NTN4: variants seen among roughly 807,000 people sequenced by gnomAD.
The protein encoded by NTN4 is netrin 4, also known as netrin-4.
In NTN4, 32 loss-of-function variants were observed where a neutral mutation model predicts 73.6. That is an observed-to-expected ratio of 0.44 (90% confidence interval 0.33 to 0.58). NTN4 has a LOEUF of 0.58. Among genes scored for constraint, NTN4 ranks in the 20% least tolerant of loss-of-function variants. The probability of loss-of-function intolerance (pLI) is 0.04; values close to 1 mark genes in which losing one functional copy is unlikely to be tolerated. For synonymous variants in NTN4, 258 were observed against 287.5 expected (o/e 0.90, Z 1.04); for missense variants, 654 against 798.3 (o/e 0.82, Z 2.18).
chr12:95,762,348 C>G (rs180702387), intron 2 of NTN4, among the ~76,000 whole-genome samples: 2 of 152,320 alleles, frequency 1.3e-5, no homozygotes, highest in East Asian at 1.9e-4. Context: ...TGCTGTTACT[C>G]TAGTACTAGG....
chr12:95,757,167 C>A (rs2078952649), intron 2 of NTN4, among the ~76,000 whole-genome samples: 1 of 152,150 alleles, frequency 6.6e-6, no homozygotes, highest in African/African-American at 2.4e-5. Flanking sequence ...TGAGTTAACA[C>A]ATATTTGTTG....
intron 2 of NTN4, among the ~76,000 whole-genome samples, chr12:95,770,937 G>A (rs1313110602): frequency 1.3e-5 from 2 of 151,744 alleles, no homozygotes; most frequent in African/African-American, 4.9e-5. Context: ...AAAGAAGGGT[G>A]TTGTTCTGTT....
chr12:95,663,369 G>C (rs1441971832), intron 9 of NTN4: 1 of 152,030 alleles, frequency 6.6e-6, no homozygotes, highest in African/African-American at 2.4e-5. Context: ...CCTATCTCTA[G>C]GGTTTTGACA....
intron 3 of NTN4, among the ~76,000 whole-genome samples, chr12:95,732,153 T>C (rs1427376183): frequency 6.6e-6 from 1 of 152,170 alleles, no homozygotes; most frequent in Non-Finnish European, 1.5e-5. Context: ...ATAACTTTAT[T>C]GTTTTTTAAA....
At chr12:95,702,769 T>C (rs1342076591) in intron 5 of NTN4, among the ~76,000 whole-genome samples, 1 of 152,028 alleles carries the variant, frequency 6.6e-6, no homozygotes, top group Admixed American at 6.5e-5. Context: ...ATAAATGTTT[T>C]CTGAACTAAA....
intron 7 of NTN4, chr12:95,672,305 A>G (rs1168060001): frequency 1.3e-5 from 10 of 776,510 alleles, no homozygotes; most frequent in Admixed American, 6.8e-5. Flanking sequence ...GCCCGCCGCC[A>G]TGGCCGCCTA....
At chr12:95,716,440 A>G (rs2078605652) in intron 3 of NTN4, among the ~76,000 whole-genome samples, 1 of 152,226 alleles carries the variant, frequency 6.6e-6, no homozygotes, top group African/African-American at 2.4e-5. Flanking sequence ...CACACTAAAC[A>G]TTAGCTTAAA....
chr12:95,758,244 T>C (rs1401806975), intron 2 of NTN4, among the ~76,000 whole-genome samples: 1 of 152,206 alleles, frequency 6.6e-6, no homozygotes, highest in Non-Finnish European at 1.5e-5. Context: ...CAATATTTAG[T>C]GTTATCAGTC....
chr12:95,787,677 C>T (rs79280845), intron 1 of NTN4, among the ~76,000 whole-genome samples: 41,155 of 151,618 alleles, frequency 0.27, 6,078 homozygotes, highest in South Asian at 0.4. Context: ...TGTGTGTGTG[C>T]GTGTGTGTGT....
intron 5 of NTN4, among the ~76,000 whole-genome samples, chr12:95,693,706 G>A (rs2078418971): frequency 6.8e-6 from 1 of 147,184 alleles, no homozygotes; most frequent in African/African-American, 2.5e-5. Flanking sequence ...ACTCCAGCCT[G>A]GGTGATAGAG....
chr12:95,705,910 T>C (rs532399782), intron 5 of NTN4, among the ~76,000 whole-genome samples: 25 of 152,188 alleles, frequency 1.6e-4, no homozygotes, highest in Non-Finnish European at 3.5e-4. Flanking sequence ...ATGAGTTGAG[T>C]GAAGGAATAA....
At chr12:95,685,212 T>C (rs1366017955) in intron 5 of NTN4, among the ~76,000 whole-genome samples, 2 of 152,230 alleles carry the variant, frequency 1.3e-5, no homozygotes, top group Non-Finnish European at 2.9e-5. Context: ...TAAAAAATAA[T>C]AATATTTCTC....
intron 5 of NTN4, among the ~76,000 whole-genome samples, chr12:95,700,278 T>A (rs1268276350): frequency 2.0e-5 from 3 of 151,720 alleles, no homozygotes; most frequent in East Asian, 1.9e-4. Flanking sequence ...AATTTTTTTT[T>A]AAAGAGAGCT....
chr12:95,692,354 G>A (rs941334446), intron 5 of NTN4, among the ~76,000 whole-genome samples: 2 of 152,154 alleles, frequency 1.3e-5, no homozygotes, highest in South Asian at 4.1e-4. Flanking sequence ...CTTTACCCAA[G>A]TGTTCTACTG....
chr12:95,700,361 A>C (rs116854705), intron 5 of NTN4, among the ~76,000 whole-genome samples: 1 of 152,120 alleles, frequency 6.6e-6, no homozygotes, highest in Non-Finnish European at 1.5e-5. Flanking sequence ...GCTGAATCAG[A>C]GTCACCAACG....
At chr12:95,692,374 C>A (rs1039766857) in intron 5 of NTN4, among the ~76,000 whole-genome samples, 2 of 152,104 alleles carry the variant, frequency 1.3e-5, no homozygotes, top group Non-Finnish European at 1.5e-5. Context: ...GGAAGAAAAT[C>A]TATGGTAACA....
intron 3 of NTN4, among the ~76,000 whole-genome samples, chr12:95,737,471 G>A (rs535957136): frequency 6.6e-6 from 1 of 152,240 alleles, no homozygotes; most frequent in South Asian, 2.1e-4. Flanking sequence ...AAAGATACCA[G>A]GCATAAAATC....
At chr12:95,713,104 G>T (rs779135027) in intron 4 of NTN4, 108 bp downstream of exon 4, 7 of 1,364,860 alleles carry the variant, frequency 5.1e-6, no homozygotes, top group Non-Finnish European at 6.0e-6. Context: ...GTAGGGTCTA[G>T]TGTTTGTCAC....
chr12:95,736,615 C>G (rs2078779546), intron 3 of NTN4, among the ~76,000 whole-genome samples: 2 of 152,188 alleles, frequency 1.3e-5, no homozygotes, highest in African/African-American at 4.8e-5. Context: ...CTGAGATACA[C>G]TAAATCATAG....
Sources: allele counts gnomAD v4.1 joint callset (sites outside exome capture counted in the v4.1 genomes callset), GRCh38; gene constraint gnomAD v4.1.1; transcripts MANE v1.5; gene names NCBI Gene and HGNC (gene_info 2026-07-23, HGNC 2026-07-21).